Variants in SLC25A24 observed in about 807,000 individuals in gnomAD.
The protein encoded by SLC25A24 is solute carrier family 25 member 24.
SLC25A24 carries 49 observed loss-of-function variants against 60.7 expected under a neutral mutation model. The ratio of observed to expected loss-of-function variants is 0.81; its 90% CI spans 0.64 to 1.02. SLC25A24 has a LOEUF of 1.02. Among genes scored for constraint, SLC25A24 ranks in the 50% least tolerant of loss-of-function variants. SLC25A24 has a pLI of 0.00. For missense variants in SLC25A24, 564 were observed against 586.3 expected (o/e 0.96, Z 0.39); for synonymous variants, 202 against 200.6 (o/e 1.01, Z -0.06).
At chr1:108,138,945 T>C in intron 9 of SLC25A24, 113 bp downstream of exon 9, 1 of 1,099,084 alleles carries the variant, frequency 9.1e-7, no homozygotes, top group Non-Finnish European at 1.2e-6. Context: ...GAAAAAAAGG[T>C]TGAGAAATAC....
intron 7 of SLC25A24, among the ~76,000 whole-genome samples, chr1:108,147,208 G>A (rs1034575361): frequency 1.3e-5 from 2 of 152,166 alleles, no homozygotes; most frequent in Non-Finnish European, 2.9e-5. Flanking sequence ...GCATAGAGGT[G>A]TTTATAGTAT....
chr1:108,146,409 C>A (rs954170002), intron 7 of SLC25A24, among the ~76,000 whole-genome samples: 2 of 152,160 alleles, frequency 1.3e-5, no homozygotes, highest in Admixed American at 1.3e-4. Flanking sequence ...CGCTTTATTT[C>A]TTTCTCCTGC....
At position 108,161,201 on chromosome 1, in the gene SLC25A24, C is replaced by T. The variant is rs374953372; in HGVS notation, c.491G>A (p.Arg164His). The part of the protein sequence containing the change: ...NPVTDIEEII[R>H]FWKHSTGIDI... The stretch of plus-strand genomic sequence containing the variant: ...ACTTACTGTAGAATGTTTCCAGAAA[C>T]GGATAATTTCCTCAATGTCTGTAAC... The change falls in exon 4 of 10, where the codon CGT (arginine) becomes CAT (histidine). Residue 164 changes from arginine to histidine, a missense_variant. Arg to His is a conservative substitution (Grantham distance 29). Coordinates refer to ENST00000565488, the MANE Select transcript of SLC25A24 (RefSeq NM_013386.5). The T allele has an allele frequency of 1.5e-5, 23 of 1,559,650 alleles. No homozygotes were observed. Among genetic ancestry groups the T allele is most frequent in the East Asian group, 1.1e-4 (5 of 44,554 alleles).
At chr1:108,156,788 T>C (rs916292162) in intron 5 of SLC25A24, among the ~76,000 whole-genome samples, 7 of 152,222 alleles carry the variant, frequency 4.6e-5, no homozygotes, top group African/African-American at 1.7e-4. Flanking sequence ...AGAGGTTTCA[T>C]GCAGCATGAG....
chr1:108,154,396 C>A (rs1203688033), intron 6 of SLC25A24, among the ~76,000 whole-genome samples: 1 of 152,106 alleles, frequency 6.6e-6, no homozygotes, highest in Non-Finnish European at 1.5e-5. Flanking sequence ...TAGGCTGAAG[C>A]AATAGCTCAA....
intron 6 of SLC25A24, among the ~76,000 whole-genome samples, chr1:108,151,688 G>C (rs1318164565): frequency 5.3e-5 from 8 of 152,090 alleles, no homozygotes; most frequent in Non-Finnish European, 1.5e-5. Flanking sequence ...CATTCCAATG[G>C]CTCAACTCAG....
chr1:108,168,009 C>T (rs889557507), intron 3 of SLC25A24, among the ~76,000 whole-genome samples: 24 of 152,304 alleles, frequency 1.6e-4, no homozygotes, highest in African/African-American at 4.6e-4. Flanking sequence ...CCACCTCTTA[C>T]AGCTGCTGGC....
chr1:108,161,888 C>T (rs972939189), intron 3 of SLC25A24, among the ~76,000 whole-genome samples: 20 of 151,630 alleles, frequency 1.3e-4, no homozygotes, highest in African/African-American at 4.8e-4. Context: ...TGCTGGTGCG[C>T]TGCACCCACT....
chr1:108,155,192 C>G, intron 5 of SLC25A24, 57 bp from the exon 6 acceptor site: 6 of 1,461,692 alleles, frequency 4.1e-6, no homozygotes, highest in Non-Finnish European at 5.6e-6. Flanking sequence ...ATTACTTTTT[C>G]TAGAACAACC....
At chr1:108,149,894 T>C (rs1265571606) in intron 6 of SLC25A24, among the ~76,000 whole-genome samples, 2 of 152,230 alleles carry the variant, frequency 1.3e-5, no homozygotes, top group Non-Finnish European at 2.9e-5. Context: ...GACTTTCTCC[T>C]AGCAAATCTG....
At chr1:108,141,133 G>A (rs960077045) in intron 8 of SLC25A24, among the ~76,000 whole-genome samples, 26 of 152,258 alleles carry the variant, frequency 1.7e-4, no homozygotes, top group Admixed American at 3.3e-4. Context: ...AAGAGAAAAG[G>A]GGTGGCCATA....
chr1:108,191,045 T>C lies in SLC25A24; in HGVS notation c.184-5091A>G, dbSNP rs908725108. On this transcript the variant is annotated intron_variant, in intron 1 of 9. Coordinates refer to ENST00000565488, the MANE Select transcript of SLC25A24 (RefSeq NM_013386.5). ...TTGATAGCTAACCCAGAATTTCTTA[T>C]GAAAGGCTAGTTTGTATCAAATAAA... Among the ~76,000 whole-genome samples, 10 of 140,728 alleles carry C rather than the reference T, an allele frequency of 7.1e-5. 3 individuals are homozygous for C. Among genetic ancestry groups the C allele is most frequent in the Non-Finnish European group, 7.8e-5 (5 of 64,104 alleles). 92.3% of individuals were successfully genotyped at this position (140,728 alleles called of 152,430 possible).
intron 3 of SLC25A24, among the ~76,000 whole-genome samples, chr1:108,181,286 C>T (rs1647922084): frequency 1.0e-5 from 1 of 98,166 alleles, no homozygotes; most frequent in South Asian, 2.8e-4. Context: ...AATATTAATA[C>T]AATATAATTG....
chr1:108,178,198 A>G (rs776297077), intron 3 of SLC25A24, among the ~76,000 whole-genome samples: 2 of 152,132 alleles, frequency 1.3e-5, no homozygotes, highest in Non-Finnish European at 2.9e-5. Flanking sequence ...AAATAAAATA[A>G]AATAAAAACC....
chr1:108,194,690 C>T (rs1481517263), intron 1 of SLC25A24, among the ~76,000 whole-genome samples: 2 of 152,298 alleles, frequency 1.3e-5, no homozygotes, highest in Admixed American at 6.5e-5. Flanking sequence ...CACAGACCTA[C>T]TTACTATAGG....
chr1:108,195,895 G>A (rs540147732), intron 1 of SLC25A24, among the ~76,000 whole-genome samples: 1 of 152,034 alleles, frequency 6.6e-6, no homozygotes, highest in South Asian at 2.1e-4. Context: ...AGCTGCTTGG[G>A]AGGCTGAGGC....
intron 5 of SLC25A24, among the ~76,000 whole-genome samples, chr1:108,156,467 C>T (rs1416328162): frequency 6.6e-6 from 1 of 152,152 alleles, no homozygotes; most frequent in South Asian, 2.1e-4. Context: ...AAACACACAC[C>T]AATCCCCTCT....
intron 4 of SLC25A24, among the ~76,000 whole-genome samples, chr1:108,157,896 T>C (rs1679947103): frequency 6.6e-6 from 1 of 151,252 alleles, no homozygotes; most frequent in Admixed American, 6.6e-5. Context: ...TCACAGTATG[T>C]TTTCTCTTGG....
chr1:108,136,454 A>C lies in SLC25A24; in HGVS notation c.*199T>G. On this transcript the variant is annotated 3_prime_UTR_variant, in exon 10 of 10. Coordinates refer to ENST00000565488, the MANE Select transcript of SLC25A24 (RefSeq NM_013386.5). ...TATAATTGTGTGGCCTTTTCAAAAC[A>C]CATTAAAACTATGATTTTGAACATT... is the stretch of plus-strand genomic sequence containing the variant. 1 of 520,886 alleles carries C rather than the reference A, an allele frequency of 1.9e-6. No individual in the cohort carries two copies. Among genetic ancestry groups the C allele is most frequent in the East Asian group, 3.1e-5 (1 of 32,298 alleles). 32.3% of individuals were successfully genotyped at this position (520,886 alleles called of 1,614,324 possible).
Sources: allele counts gnomAD v4.1 joint callset (sites outside exome capture counted in the v4.1 genomes callset), GRCh38; gene constraint gnomAD v4.1.1; transcripts MANE v1.5; gene names NCBI Gene and HGNC (gene_info 2026-07-23, HGNC 2026-07-21).